CCDC83: variants seen among roughly 807,000 people sequenced by gnomAD.
The protein encoded by CCDC83 is coiled-coil domain-containing protein 83.
Under a neutral mutation model 50.1 loss-of-function variants are expected in CCDC83, and 54 were observed. That is an observed-to-expected ratio of 1.08 (90% CI 0.87 to 1.35). The LOEUF is 1.35. CCDC83 is among the 40% of genes most tolerant of loss of function. The pLI, the probability that CCDC83 is intolerant of heterozygous loss-of-function variation, is 0.00. For missense variants in CCDC83, 518 were observed against 473.9 expected, an observed-to-expected ratio of 1.09 and a Z score of -0.86; for synonymous variants, 161 against 153.3, an observed-to-expected ratio of 1.05 and a Z score of -0.37.
intron 10 of CCDC83, among the ~76,000 whole-genome samples, chr11:85,917,162 G>GAAGGAAAGAAAGAAAGAA (rs1474775065): frequency 1.5e-5 from 1 of 65,820 alleles, no homozygotes; most frequent in African/African-American, 5.4e-5. Flanking sequence ...GAGAGAGAGA[G>GAAGGAAAGAAAGAAAGAA]AGAGAGAAAG....
At position 85,919,698 on chromosome 11, in the gene CCDC83, A is replaced by C; in HGVS notation, c.*188A>C. 1 of 548,882 alleles carries C rather than the reference A, an allele frequency of 1.8e-6. No individual in the cohort carries two copies. Among genetic ancestry groups the C allele is most frequent in the African/African-American group, 1.9e-5 (1 of 51,944 alleles). The allele number at this position is 548,882 out of a possible 1,614,324, so 34.0% of individuals were successfully genotyped here. A position where few individuals can be genotyped will look rare whatever the true frequency, so the allele number is the denominator to read the frequency against. ...TTTACTTGCATGGTATGAGTGACCA[A>C]AACGGAAGCACGCTTTGTATTTCTA... is the stretch of plus-strand genomic sequence containing the variant. On this transcript the variant is annotated 3_prime_UTR_variant, in exon 11 of 11. Coordinates refer to ENST00000342404, the MANE Select transcript of CCDC83 (RefSeq NM_001286159.2).
In CCDC83 at chr11:85,898,986, A is replaced by G. The variant is rs1270297231; in HGVS notation, c.643A>G (p.Ile215Val). 6.2e-7 allele frequency: 1 copy of G among 1,612,096 alleles called. No homozygotes were observed. Among genetic ancestry groups the G allele is most frequent in the African/African-American group, 1.3e-5 (1 of 74,982 alleles). The stretch of plus-strand genomic sequence containing the variant: ...CATTGACAAGGGCAGTTATCTAGAG[A>G]TCTGGGAGAATGACTGGCTCAAAAA... ...KLIDKGSYLE[I>V]WENDWLKKEV... Residue 215 changes from isoleucine (I) to valine (V), a missense_variant, in exon 7 of 11, where the codon ATC becomes GTC. Coordinates refer to ENST00000342404, the MANE Select transcript of CCDC83 (RefSeq NM_001286159.2).
At chr11:85,878,372 T>C (rs2093279941) in intron 3 of CCDC83, among the ~76,000 whole-genome samples, 1 of 152,232 alleles carries the variant, frequency 6.6e-6, no homozygotes. Flanking sequence ...CTGGCAACCA[T>C]TATTCTGTTC....
rs113008609 is a variant in CCDC83, at chr11:85,899,784, T to C, written c.672+769T>C. On this transcript the variant is annotated intron_variant, in intron 7 of 10. Coordinates refer to ENST00000342404, the MANE Select transcript of CCDC83 (RefSeq NM_001286159.2). ...TATTGAATGACTGAATGTCAATGAA[T>C]ATAGATATATTCATTGAAGGGATTA... Among the ~76,000 whole-genome samples the C allele has an allele frequency of 7.2e-4, 110 of 152,308 alleles. 1 individual carries two copies. Among genetic ancestry groups the C allele is most frequent in the African/African-American group, 2.5e-3 (105 of 41,574 alleles).
At chr11:85,881,377 C>A (rs181967298) in intron 3 of CCDC83, among the ~76,000 whole-genome samples, 10,123 of 144,958 alleles carry the variant, frequency 0.07, 385 homozygotes, top group South Asian at 0.099. Context: ...CATCCCCCCC[C>A]AAAAAAAAAA....
rs543368707 is a variant in CCDC83, at chr11:85,904,887, C to G, written c.672+5872C>G. 9.5e-4 allele frequency among the ~76,000 whole-genome samples: 144 copies of G among 152,314 alleles called. 1 individual carries two copies. Among genetic ancestry groups the G allele is most frequent in the African/African-American group, 3.3e-3 (139 of 41,568 alleles). ...AGGAATTTAAACATTCATATGGCTT[C>G]TATGATAACTGACAATTATCTTTAA... is the stretch of plus-strand genomic sequence containing the variant. On this transcript the variant is annotated intron_variant, in intron 7 of 10. Coordinates refer to ENST00000342404, the MANE Select transcript of CCDC83 (RefSeq NM_001286159.2).
intron 3 of CCDC83, among the ~76,000 whole-genome samples, chr11:85,874,330 G>A (rs1225602055): frequency 2.0e-5 from 3 of 152,178 alleles, no homozygotes; most frequent in African/African-American, 2.4e-5. Flanking sequence ...AAGTCCCATC[G>A]ATGCACCCAT....
chr11:85,897,882 C>A (rs951259518), intron 6 of CCDC83, among the ~76,000 whole-genome samples: 1 of 152,098 alleles, frequency 6.6e-6, no homozygotes, highest in Non-Finnish European at 1.5e-5. Context: ...TAGGGCTGGG[C>A]GCGGTGGCTC....
chr11:85,864,476 T>C (rs2093195667), intron 1 of CCDC83, among the ~76,000 whole-genome samples: 1 of 152,204 alleles, frequency 6.6e-6, no homozygotes, highest in African/African-American at 2.4e-5. Flanking sequence ...GTGTTTTTGA[T>C]TTTTTTATTA....
At chr11:85,857,626 A>G (rs1262229057) in intron 1 of CCDC83, among the ~76,000 whole-genome samples, 1 of 152,142 alleles carries the variant, frequency 6.6e-6, no homozygotes. Context: ...CAATGTCAAC[A>G]ACTCCGTCAC....
intron 5 of CCDC83, among the ~76,000 whole-genome samples, chr11:85,887,561 A>G (rs960074259): frequency 6.6e-6 from 1 of 152,164 alleles, no homozygotes; most frequent in African/African-American, 2.4e-5. Context: ...TTCTTCTGAA[A>G]AGAGAACAAG....
At chr11:85,876,787 G>A (rs532789532) in intron 3 of CCDC83, among the ~76,000 whole-genome samples, 29 of 152,302 alleles carry the variant, frequency 1.9e-4, no homozygotes, top group African/African-American at 6.0e-4. Flanking sequence ...TTACAGGGGT[G>A]AGCCACCACA....
intron 3 of CCDC83, among the ~76,000 whole-genome samples, chr11:85,875,098 A>G (rs1200425257): frequency 2.0e-5 from 3 of 152,240 alleles, no homozygotes; most frequent in Non-Finnish European, 4.4e-5. Context: ...CAAAGGCAGG[A>G]AAGTTCCCAA....
At chr11:85,890,998 G>A (rs1425074937) in intron 5 of CCDC83, among the ~76,000 whole-genome samples, 1 of 152,142 alleles carries the variant, frequency 6.6e-6, no homozygotes, top group African/African-American at 2.4e-5. Flanking sequence ...CTTGTTGGGT[G>A]TAACACAAAT....
intron 7 of CCDC83, among the ~76,000 whole-genome samples, chr11:85,908,604 T>TAGAC (rs1388058895): frequency 4.9e-5 from 6 of 122,502 alleles, no homozygotes; most frequent in South Asian, 2.7e-4. Flanking sequence ...GATAGATAGA[T>TAGAC]AGATAGACAG....
intron 1 of CCDC83, among the ~76,000 whole-genome samples, chr11:85,856,867 T>A (rs1474666189): frequency 6.6e-6 from 1 of 152,242 alleles, no homozygotes; most frequent in East Asian, 1.9e-4. Flanking sequence ...GTGGTACTAT[T>A]ACCACTGAAT....
At chr11:85,864,060 G>C (rs1419460467) in intron 1 of CCDC83, among the ~76,000 whole-genome samples, 1 of 152,188 alleles carries the variant, frequency 6.6e-6, no homozygotes, top group African/African-American at 2.4e-5. Context: ...CAGGGTCACA[G>C]AGATAACAGT....
At chr11:85,914,730 A>G (rs2093469815) in intron 8 of CCDC83, among the ~76,000 whole-genome samples, 1 of 151,990 alleles carries the variant, frequency 6.6e-6, no homozygotes, top group South Asian at 2.1e-4. Context: ...CCTGGCAACC[A>G]CCTCCAGGTT....
At chr11:85,916,292 G>A in intron 10 of CCDC83, 59 bp downstream of exon 10, 1 of 1,199,758 alleles carries the variant, frequency 8.3e-7, no homozygotes, top group African/African-American at 1.5e-5. Context: ...GAGAAATGCT[G>A]TTTTAATTGA....
Sources: allele counts gnomAD v4.1 joint callset (sites outside exome capture counted in the v4.1 genomes callset), GRCh38; gene constraint gnomAD v4.1.1; transcripts MANE v1.5; gene names NCBI Gene and HGNC (gene_info 2026-07-23, HGNC 2026-07-21).